NUP205: variants seen among roughly 807,000 people sequenced by gnomAD.
NUP205 encodes nuclear pore complex protein Nup205.
A neutral mutation model predicts 253.8 loss-of-function variants in NUP205; 76 were observed. The observed-to-expected ratio is 0.30, with a 90% confidence interval of 0.25 to 0.36. The LOEUF is 0.36. Ranked by LOEUF, NUP205 falls within the 10% of genes least tolerant of loss-of-function variation. NUP205 has a pLI of 1.00. For missense variants in NUP205, 2,162 were observed against 2,425.5 expected, an observed-to-expected ratio of 0.89 and a Z score of 2.28; for synonymous variants, 832 against 850.1, an observed-to-expected ratio of 0.98 and a Z score of 0.37.
At chr7:135,607,492 T>C in intron 22 of NUP205, 121 bp downstream of exon 22, 1 of 1,078,326 alleles carries the variant, frequency 9.3e-7, no homozygotes. Context: ...TTTAGCAATT[T>C]GACCTGTCTT....
chr7:135,617,663 A>G lies in NUP205; in HGVS notation c.3752A>G (p.Gln1251Arg). The G allele has an allele frequency of 1.2e-6, 2 of 1,610,092 alleles. No homozygotes were observed. The highest frequency in any genetic ancestry group is 1.7e-6 in the Non-Finnish European group (2 of 1,176,530). The part of the protein sequence containing the change: ...NALQGMAAIG[Q>R]RPLLMEEIST... ...CTTCAGGGTATGGCAGCCATAGGAC[A>G]GAGACCTCTACTAATGGAGGTAAGC... The change falls in exon 27 of 43, where the codon CAG becomes CGG. Residue 1251 changes from glutamine (Q) to arginine (R), a missense_variant. Coordinates refer to ENST00000285968, the MANE Select transcript of NUP205 (RefSeq NM_015135.3).
intron 1 of NUP205, among the ~76,000 whole-genome samples, chr7:135,562,094 C>A (rs747143707): frequency 3.3e-5 from 5 of 152,068 alleles, no homozygotes; most frequent in Non-Finnish European, 7.4e-5. Context: ...ACTCCCTTTT[C>A]ATACCTCCTA....
In NUP205 at chr7:135,593,434, C is replaced by A. The variant is rs1183696985; in HGVS notation, c.1830+242C>A. On this transcript the variant is annotated intron_variant, in intron 12 of 42. Transcript: ENST00000285968. ...TAGCCTGAGCCTGAAAGAAAATAGT[C>A]AGAAGGGCAAATAAGAACCAGTTGT... is the stretch of plus-strand genomic sequence containing the variant. Among the ~76,000 whole-genome samples the A allele has an allele frequency of 4.6e-5, 7 of 152,072 alleles. No homozygotes were observed. In the East Asian group the frequency reaches 1.2e-3, roughly 25 times the overall value.
chr7:135,559,818 AG>A (rs1805533268), intron 1 of NUP205, among the ~76,000 whole-genome samples: 1 of 151,758 alleles, frequency 6.6e-6, no homozygotes, highest in Admixed American at 6.6e-5. Context: ...CAGCCTCTGA[AG>A]TAACTGGGAT....
At chr7:135,624,566 A>G (rs1584682259) in intron 31 of NUP205, among the ~76,000 whole-genome samples, 1 of 151,998 alleles carries the variant, frequency 6.6e-6, no homozygotes, top group African/African-American at 2.4e-5. Context: ...TGTAGTAGAG[A>G]TGGAGTTTCA....
chr7:135,558,379 G>A (rs894741234), intron 1 of NUP205, among the ~76,000 whole-genome samples: 2 of 152,206 alleles, frequency 1.3e-5, no homozygotes, highest in Non-Finnish European at 2.9e-5. Flanking sequence ...GAAAGTAGGC[G>A]TCGGAGTTCC....
chr7:135,589,167 C>G lies in NUP205; in HGVS notation c.1473+1175C>G, dbSNP rs1806554167. 1.4e-5 allele frequency among the ~76,000 whole-genome samples: 2 copies of G among 144,966 alleles called. 1 individual carries two copies. Among genetic ancestry groups the G allele is most frequent in the Non-Finnish European group, 3.0e-5 (2 of 66,294 alleles). ...CCTAGGCAACAGAGTGAGACCCTGA[C>G]TCTTTAAAAAAAAAAAAAGAGTTGG... On this transcript the variant is annotated intron_variant, in intron 10 of 42. Transcript: ENST00000285968.
At chr7:135,603,094 T>A (rs1257649582) in intron 18 of NUP205, 100 bp downstream of exon 18, 8 of 823,634 alleles carry the variant, frequency 9.7e-6, no homozygotes, top group South Asian at 4.1e-5. Context: ...CCTTTTTTTT[T>A]ATTTTTGCCT....
At chr7:135,619,366 G>A (rs1165071073) in intron 28 of NUP205, 57 bp from the exon 29 acceptor site, 3 of 1,517,324 alleles carry the variant, frequency 2.0e-6, no homozygotes, top group Admixed American at 4.0e-5. Flanking sequence ...TATGAAATTT[G>A]TTAATGATTA....
chr7:135,614,026 G>A (rs1794298696), intron 22 of NUP205, 133 bp from the exon 23 acceptor site: 2 of 541,504 alleles, frequency 3.7e-6, no homozygotes, highest in Admixed American at 3.5e-5. Context: ...TTGTGCATCT[G>A]TTTGTCCATT....
chr7:135,563,042 C>T (rs1280222681), intron 1 of NUP205, among the ~76,000 whole-genome samples: 1 of 152,180 alleles, frequency 6.6e-6, no homozygotes, highest in South Asian at 2.1e-4. Context: ...TTTTGTTCTT[C>T]AGATTTCAGC....
chr7:135,639,760 CAT>C (rs1281557321), intron 38 of NUP205, among the ~76,000 whole-genome samples: 3 of 151,756 alleles, frequency 2.0e-5, no homozygotes, highest in African/African-American at 7.3e-5. Context: ...CACATGCACA[CAT>C]GTTTATTGCA....
chr7:135,625,391 A>T (rs756385301), intron 32 of NUP205, 36 bp downstream of exon 32: 7 of 1,494,416 alleles, frequency 4.7e-6, no homozygotes, highest in Non-Finnish European at 6.3e-6. Flanking sequence ...TAGATCAAGA[A>T]GTCGTTTTCT....
chr7:135,571,321 CT>C (rs938982183), intron 2 of NUP205, 74 bp downstream of exon 2: 6,433 of 870,470 alleles, frequency 7.4e-3, no homozygotes, highest in Non-Finnish European at 7.9e-3. Context: ...AAACTCTTTT[CT>C]TTTTTTTTTA....
chr7:135,637,966 C>A lies in NUP205; in HGVS notation c.5172C>A (p.Gly1724=). Residue 1724 remains glycine, a synonymous_variant, in exon 37 of 43, where the codon GGC becomes GGA. Coordinates refer to ENST00000285968, the MANE Select transcript of NUP205 (RefSeq NM_015135.3). ...TAGGACTACTAAGTCGCTTTGGTGG[C>A]TCTGACAGACTGCGTCAGTTTAAAT... is the stretch of plus-strand genomic sequence containing the variant. The part of the protein sequence containing the change: ...QCLGLLSRFG[G]SDRLRQFKFQ... The A allele has an allele frequency of 6.2e-7, 1 of 1,613,852 alleles. No individual in the cohort carries two copies. The highest frequency in any genetic ancestry group is 8.5e-7 in the Non-Finnish European group (1 of 1,179,842).
intron 35 of NUP205, among the ~76,000 whole-genome samples, chr7:135,634,295 C>A (rs1794769247): frequency 6.6e-6 from 1 of 152,108 alleles, no homozygotes; most frequent in Non-Finnish European, 1.5e-5. Context: ...AGTTAGATGG[C>A]ATTTAGCAGA....
chr7:135,619,831 C>T lies in NUP205; in HGVS notation c.4273C>T (p.Leu1425=). The part of the protein sequence containing the change: ...QRVRTHLYGS[L]LYYLQIAQRP... ...AGTGAGGACTCACTTGTATGGCTCTCTGCTTTATTACTTACAGATTGCCCA... is the reference window on the plus strand; with the variant it reads ...AGTGAGGACTCACTTGTATGGCTCTTTGCTTTATTACTTACAGATTGCCCA... Residue 1425 remains leucine, a synonymous_variant, in exon 30 of 43, where the codon CTG becomes TTG. Coordinates refer to ENST00000285968, the MANE Select transcript of NUP205 (RefSeq NM_015135.3). 1 of 1,613,854 alleles carries T rather than the reference C, an allele frequency of 6.2e-7. No homozygotes were observed. Among genetic ancestry groups the T allele is most frequent in the Non-Finnish European group, 8.5e-7 (1 of 1,179,900 alleles).
At position 135,615,615 on chromosome 7, in the gene NUP205, T is replaced by A. The variant is rs561227689; in HGVS notation, c.3311-301T>A. Among the ~76,000 whole-genome samples the A allele has an allele frequency of 9.3e-4, 142 of 152,328 alleles. 1 individual carries two copies. The highest frequency in any genetic ancestry group is 6.8e-3 in the Middle Eastern group (2 of 294). On this transcript the variant is annotated intron_variant, in intron 23 of 42. Transcript: ENST00000285968. ...TAAAATATTGTTTTATATATCAGTG[T>A]CAAAATACGATAGATTCAGGATCTT...
In NUP205 at chr7:135,587,868, A is replaced by T. The variant is rs771812260; in HGVS notation, c.1349A>T (p.Tyr450Phe). 3.7e-5 allele frequency: 59 copies of T among 1,612,758 alleles called. No homozygotes were observed. The highest frequency in any genetic ancestry group is 4.8e-5 in the Non-Finnish European group (57 of 1,179,526). ...EHLMLLIGEL[Y>F]KKNPFHLELA... ...TACTCTTTGCAGATTGGCGAGCTAT[A>T]TAAAAAGAACCCTTTTCATCTGGAG... is the stretch of plus-strand genomic sequence containing the variant. Residue 450 changes from tyrosine to phenylalanine, a missense_variant, in exon 10 of 43, where the codon TAT (tyrosine) becomes TTT (phenylalanine). Coordinates refer to ENST00000285968, the MANE Select transcript of NUP205 (RefSeq NM_015135.3).
Sources: allele counts gnomAD v4.1 joint callset (sites outside exome capture counted in the v4.1 genomes callset), GRCh38; gene constraint gnomAD v4.1.1; transcripts MANE v1.5; gene names NCBI Gene and HGNC (gene_info 2026-07-23, HGNC 2026-07-21).